The following DIP2B variants were observed in gnomAD, a reference collection of about 807,000 sequenced individuals.
DIP2B encodes the protein disco-interacting protein 2 homolog B.
DIP2B carries 76 observed loss-of-function variants against 198.0 expected under a neutral mutation model. The observed-to-expected ratio is 0.38, with a 90% confidence interval of 0.32 to 0.46. The LOEUF is 0.46. DIP2B is among the 20% of genes least tolerant of loss of function. The probability of loss-of-function intolerance (pLI) is 0.99; values close to 1 mark genes in which losing one functional copy is unlikely to be tolerated. For missense variants in DIP2B, 1,559 were observed against 1,978.4 expected, an observed-to-expected ratio of 0.79 and a Z score of 4.02; for synonymous variants, 701 against 739.1, an observed-to-expected ratio of 0.95 and a Z score of 0.84.
chr12:50,515,049 C>T (rs1056366262), intron 1 of DIP2B, among the ~76,000 whole-genome samples: 2 of 152,038 alleles, frequency 1.3e-5, no homozygotes, highest in Non-Finnish European at 2.9e-5. Flanking sequence ...CTCCCTCTCT[C>T]GAGCCTGAAA....
chr12:50,686,705 T>C (rs1182624453), intron 12 of DIP2B, 23 bp downstream of exon 12: 6 of 1,603,482 alleles, frequency 3.7e-6, no homozygotes, highest in East Asian at 2.2e-5. Context: ...ATGTAAAATA[T>C]GCTTTCAGGC....
intron 2 of DIP2B, among the ~76,000 whole-genome samples, chr12:50,627,086 G>A (rs144287314): frequency 5.9e-5 from 9 of 152,300 alleles, no homozygotes; most frequent in African/African-American, 1.9e-4. Context: ...TTGGGCCAGC[G>A]ACAGCTAGTG....
intron 1 of DIP2B, among the ~76,000 whole-genome samples, chr12:50,563,486 CTTTTTT>C (rs71083598): frequency 8.7e-6 from 1 of 115,540 alleles, no homozygotes. Context: ...TGCACCTGGC[CTTTTTT>C]TTTTTTTTTT....
intron 1 of DIP2B, among the ~76,000 whole-genome samples, chr12:50,527,427 T>C (rs941829889): frequency 1.3e-5 from 2 of 152,214 alleles, no homozygotes; most frequent in African/African-American, 4.8e-5. Flanking sequence ...ATAACAAAAA[T>C]CTTATTTACT....
intron 21 of DIP2B, 146 bp downstream of exon 21, chr12:50,706,811 T>C (rs957357730): frequency 1.2e-4 from 94 of 782,764 alleles, no homozygotes; most frequent in Middle Eastern, 3.7e-4. Context: ...GGCTTTTTTT[T>C]TTCTTCTTCT....
chr12:50,627,425 C>T (rs1462281503), intron 2 of DIP2B, among the ~76,000 whole-genome samples: 1 of 152,168 alleles, frequency 6.6e-6, no homozygotes, highest in Non-Finnish European at 1.5e-5. Flanking sequence ...CCTCAATCTC[C>T]CAGGTTTAAA....
chr12:50,664,814 T>G, intron 4 of DIP2B, among the ~76,000 whole-genome samples: 1 of 141,670 alleles, frequency 7.1e-6, no homozygotes. Flanking sequence ...ACAAGGAGAA[T>G]TTCCCTCCTT....
At chr12:50,550,989 T>C (rs921226022) in intron 1 of DIP2B, among the ~76,000 whole-genome samples, 2 of 151,724 alleles carry the variant, frequency 1.3e-5, no homozygotes, top group African/African-American at 4.8e-5. Context: ...TTTGAGAGGC[T>C]GAGGTGGAAG....
At chr12:50,728,710 T>A (rs376236355) in intron 30 of DIP2B, 32 bp downstream of exon 30, 2 of 1,609,926 alleles carry the variant, frequency 1.2e-6, no homozygotes, top group African/African-American at 2.7e-5. Context: ...AGACAGAATG[T>A]GTGGGGGTAT....
intron 1 of DIP2B, among the ~76,000 whole-genome samples, chr12:50,515,503 C>A (rs767400987): frequency 6.6e-6 from 1 of 152,118 alleles, no homozygotes; most frequent in Non-Finnish European, 1.5e-5. Context: ...GCTGGAATTA[C>A]AGGTGTGAGC....
intron 1 of DIP2B, among the ~76,000 whole-genome samples, chr12:50,536,268 C>T (rs541235800): frequency 2.2e-4 from 29 of 129,032 alleles, no homozygotes; most frequent in Admixed American, 2.1e-3. Context: ...CTACTAAATA[C>T]GTGCATACAT....
At chr12:50,656,932 A>C (rs1938564547) in intron 3 of DIP2B, 1 of 152,178 alleles carries the variant, frequency 6.6e-6, no homozygotes, top group South Asian at 2.1e-4. Context: ...GTAGAGCTAT[A>C]AAATTATCAT....
chr12:50,689,814 G>A (rs915206223), intron 12 of DIP2B, among the ~76,000 whole-genome samples: 1 of 152,114 alleles, frequency 6.6e-6, no homozygotes, highest in African/African-American at 2.4e-5. Context: ...ATATGGAGGA[G>A]CAGTGGGAGA....
chr12:50,573,517 A>G lies in DIP2B; in HGVS notation c.101-52459A>G, dbSNP rs572445744. Among the ~76,000 whole-genome samples the G allele has an allele frequency of 3.3e-5, 5 of 152,286 alleles. No homozygotes were observed. In the East Asian group the frequency reaches 5.8e-4, roughly 18 times the overall value. ...ATAACCTTATCTTTTAAAATGTGCA[A>G]TAGATGTTGGAAACAGTAGAGGAGC... On this transcript the variant is annotated intron_variant, in intron 1 of 37. Coordinates refer to ENST00000301180, the MANE Select transcript of DIP2B (RefSeq NM_173602.3).
At chr12:50,598,585 G>A (rs933704953) in intron 1 of DIP2B, among the ~76,000 whole-genome samples, 1 of 151,828 alleles carries the variant, frequency 6.6e-6, no homozygotes, top group East Asian at 1.9e-4. Flanking sequence ...TCTATAAATG[G>A]ATGCTTTTAC....
At chr12:50,642,454 G>A (rs1026425569) in intron 3 of DIP2B, among the ~76,000 whole-genome samples, 7 of 152,060 alleles carry the variant, frequency 4.6e-5, no homozygotes, top group African/African-American at 1.7e-4. Context: ...CCATATATAA[G>A]AGCTAAACAG....
chr12:50,579,367 C>A (rs914237726), intron 1 of DIP2B, among the ~76,000 whole-genome samples: 1 of 151,670 alleles, frequency 6.6e-6, no homozygotes, highest in Non-Finnish European at 1.5e-5. Context: ...AATCCCAACA[C>A]TTTGGGAGGC....
intron 1 of DIP2B, among the ~76,000 whole-genome samples, chr12:50,514,574 T>C (rs181474598): frequency 6.6e-6 from 1 of 152,312 alleles, no homozygotes; most frequent in South Asian, 2.1e-4. Flanking sequence ...GATCTCACTT[T>C]ATTGATTGAT....
At chr12:50,669,798 C>T (rs1241800198) in intron 4 of DIP2B, among the ~76,000 whole-genome samples, 1 of 152,150 alleles carries the variant, frequency 6.6e-6, no homozygotes, top group Non-Finnish European at 1.5e-5. Flanking sequence ...TTTTGTGGTT[C>T]AGGTTCCCAT....
Sources: allele counts gnomAD v4.1 joint callset (sites outside exome capture counted in the v4.1 genomes callset), GRCh38; gene constraint gnomAD v4.1.1; transcripts MANE v1.5; gene names NCBI Gene and HGNC (gene_info 2026-07-23, HGNC 2026-07-21).